Variants in FAF1 observed in about 807,000 individuals in gnomAD.
The protein encoded by FAF1 is FAS-associated factor 1.
Under a neutral mutation model 92.5 loss-of-function variants are expected in FAF1, and 25 were observed. The observed-to-expected ratio is 0.27, with a 90% CI of 0.20 to 0.38. FAF1 has a LOEUF of 0.38. Among genes scored for constraint, FAF1 ranks in the 10% least tolerant of loss-of-function variants. The probability of loss-of-function intolerance (pLI) is 1.00; values close to 1 mark genes in which losing one functional copy is unlikely to be tolerated. For missense variants in FAF1, 636 were observed against 793.3 expected (o/e 0.80, Z 2.38); for synonymous variants, 234 against 273.2 (o/e 0.86, Z 1.42).
chr1:50,815,944 T>C (rs1043183895), intron 2 of FAF1, among the ~76,000 whole-genome samples: 1 of 151,666 alleles, frequency 6.6e-6, no homozygotes, highest in African/African-American at 2.4e-5. Context: ...GGAGAATCGC[T>C]TGAACCTGGG....
In FAF1 at chr1:50,490,656, G is replaced by C; in HGVS notation, c.1585C>G (p.His529Asp). Reference sequence around the variant, plus strand: ...AACTGTTCTGCCATCTCTCTCTCGTGAGCTTCCCTCTGTTGATAAAACAGA... The same window carrying C: ...AACTGTTCTGCCATCTCTCTCTCGTCAGCTTCCCTCTGTTGATAAAACAGA... ...LEADRAKREAHEREMAEQFRL... is the reference protein window; with the variant it reads ...LEADRAKREADEREMAEQFRL... Residue 529 changes from histidine (H) to aspartate (D), a missense_variant, in exon 17 of 19, where the codon CAC (histidine) becomes GAC (aspartate). Physicochemically the swap from His to Asp is moderately conservative, Grantham distance 81. Around this residue, in one of 2 missense-constraint regions of FAF1, gnomAD observed 319 missense variants for 451.0 expected, o/e 0.71. Coordinates refer to ENST00000396153, the MANE Select transcript of FAF1 (RefSeq NM_007051.3). 1 of 1,609,462 alleles carries C rather than the reference G, an allele frequency of 6.2e-7. No individual in the cohort carries two copies. The highest frequency in any genetic ancestry group is 8.5e-7 in the Non-Finnish European group (1 of 1,175,808).
chr1:50,814,628 TACTA>T (rs1357605093), intron 2 of FAF1, among the ~76,000 whole-genome samples: 1 of 152,028 alleles, frequency 6.6e-6, no homozygotes, highest in Non-Finnish European at 1.5e-5. Flanking sequence ...TAAGAGTAAA[TACTA>T]ACTCAAAACA....
rs1412509104 is a variant in FAF1 at position 50,475,689 on chromosome 1, G to A, written c.1654-10C>T. On this transcript the variant is annotated splice_polypyrimidine_tract_variant and intron_variant, in intron 17 of 18. Transcript: ENST00000396153. ...AGGACAGCCGGATGGCCTAGGGAGAGCAAAAACCAGGTGTTAAAATGTGAG... is the reference window on the plus strand; with the variant it reads ...AGGACAGCCGGATGGCCTAGGGAGAACAAAAACCAGGTGTTAAAATGTGAG... 4 of 1,592,830 alleles carry A rather than the reference G, an allele frequency of 2.5e-6. No homozygotes were observed. Among genetic ancestry groups the A allele is most frequent in the Non-Finnish European group, 3.4e-6 (4 of 1,166,282 alleles).
At chr1:50,757,719 T>A (rs948440425) in intron 4 of FAF1, among the ~76,000 whole-genome samples, 1 of 152,156 alleles carries the variant, frequency 6.6e-6, no homozygotes, top group Admixed American at 6.5e-5. Context: ...CTACCTTTTA[T>A]TATAACATGA....
chr1:50,510,364 T>G (rs1347711282), intron 15 of FAF1, among the ~76,000 whole-genome samples: 1 of 152,036 alleles, frequency 6.6e-6, no homozygotes, highest in Non-Finnish European at 1.5e-5. Context: ...TAGCTGAATT[T>G]CCCCTAAGGA....
chr1:50,625,241 C>G (rs1269454476), intron 8 of FAF1, among the ~76,000 whole-genome samples: 1 of 152,148 alleles, frequency 6.6e-6, no homozygotes, highest in Non-Finnish European at 1.5e-5. Context: ...GAATCCACTA[C>G]TACAGCATAA....
chr1:50,894,323 A>C (rs1274069122), intron 1 of FAF1, among the ~76,000 whole-genome samples: 1 of 148,760 alleles, frequency 6.7e-6, no homozygotes, highest in Non-Finnish European at 1.5e-5. Context: ...AAAAAAAAAA[A>C]AAAAAAACTC....
intron 12 of FAF1, among the ~76,000 whole-genome samples, chr1:50,576,627 C>T (rs1650748801): frequency 8.2e-6 from 1 of 121,354 alleles, no homozygotes; most frequent in African/African-American, 4.3e-5. Flanking sequence ...GACTCATCTC[C>T]GCACCGCCCC....
chr1:50,444,317 G>A (rs1318319802), intron 18 of FAF1, among the ~76,000 whole-genome samples: 1 of 152,234 alleles, frequency 6.6e-6, no homozygotes, highest in Non-Finnish European at 1.5e-5. Flanking sequence ...TTCTCCGAGA[G>A]ACAGCTAAAG....
At chr1:50,944,579 G>A (rs186227579) in intron 1 of FAF1, among the ~76,000 whole-genome samples, 1 of 152,136 alleles carries the variant, frequency 6.6e-6, no homozygotes, top group Non-Finnish European at 1.5e-5. Flanking sequence ...AGGGTCAAGG[G>A]AATTTGCATA....
At chr1:50,485,478 C>T (rs562069640) in intron 17 of FAF1, among the ~76,000 whole-genome samples, 36 of 151,472 alleles carry the variant, frequency 2.4e-4, no homozygotes, top group African/African-American at 8.0e-4. Flanking sequence ...CTGGCTAACA[C>T]GGTGAAACCC....
In FAF1 at chr1:50,959,886, G is replaced by GCCGCCA. The variant is rs1645301901; in HGVS notation, c.-81_-76dup. 6 of 991,938 alleles carry GCCGCCA rather than the reference G, an allele frequency of 6.0e-6. No individual in the cohort carries two copies. The highest frequency in any genetic ancestry group is 5.2e-5 in the African/African-American group (3 of 57,940). 61.4% of individuals were successfully genotyped at this position (991,938 alleles called of 1,614,324 possible). Reference sequence around the variant, plus strand: ...GCAGACGGCACCTCCTGCGACCGTCGCCGCCACCGCCGCCGCCGCCGCCGG... The same window carrying GCCGCCA: ...GCAGACGGCACCTCCTGCGACCGTCGCCGCCACCGCCACCGCCGCCGCCGCCGCCGG... On this transcript the variant is annotated 5_prime_UTR_variant, in exon 1 of 19. Transcript: ENST00000396153.
intron 1 of FAF1, among the ~76,000 whole-genome samples, chr1:50,869,991 T>A (rs1485156685): frequency 2.0e-5 from 3 of 152,250 alleles, no homozygotes; most frequent in Non-Finnish European, 4.4e-5. Flanking sequence ...TGCATTATGA[T>A]GGTATCCTTA....
chr1:50,529,544 A>C (rs925731941), intron 15 of FAF1, among the ~76,000 whole-genome samples: 1 of 152,216 alleles, frequency 6.6e-6, no homozygotes, highest in Non-Finnish European at 1.5e-5. Context: ...CTGCTTGGGA[A>C]TCTTAGTAGA....
intron 8 of FAF1, among the ~76,000 whole-genome samples, chr1:50,610,234 G>C (rs79479034): frequency 6.6e-6 from 1 of 152,198 alleles, no homozygotes; most frequent in African/African-American, 2.4e-5. Flanking sequence ...TCCATATGAT[G>C]ATATGTTCAA....
At chr1:50,878,584 ATCC>A (rs1212801256) in intron 1 of FAF1, among the ~76,000 whole-genome samples, 1 of 152,256 alleles carries the variant, frequency 6.6e-6, no homozygotes, top group African/African-American at 2.4e-5. Flanking sequence ...TCAATTTGGT[ATCC>A]TCACCATAAA....
chr1:50,735,371 G>T (rs1360043094), intron 6 of FAF1, among the ~76,000 whole-genome samples: 1 of 152,142 alleles, frequency 6.6e-6, no homozygotes, highest in Non-Finnish European at 1.5e-5. Context: ...CTGTTACAAA[G>T]ATTATGATTA....
chr1:50,769,642 A>G (rs1660706949), intron 4 of FAF1, among the ~76,000 whole-genome samples: 2 of 152,262 alleles, frequency 1.3e-5, no homozygotes, highest in African/African-American at 4.8e-5. Flanking sequence ...GGTTTAATAT[A>G]TACAAATCAA....
At chr1:50,471,940 A>T (rs944220152) in intron 18 of FAF1, among the ~76,000 whole-genome samples, 4 of 152,140 alleles carry the variant, frequency 2.6e-5, no homozygotes, top group Non-Finnish European at 4.4e-5. Context: ...TAAAACAGGT[A>T]AAATAGGATT....
Sources: allele counts gnomAD v4.1 joint callset (sites outside exome capture counted in the v4.1 genomes callset), GRCh38; gene constraint gnomAD v4.1.1; regional missense constraint gnomAD v4.1.1; transcripts MANE v1.5; gene names NCBI Gene and HGNC (gene_info 2026-07-23, HGNC 2026-07-21).